Variants in JARID2 observed in about 807,000 individuals in gnomAD.
The protein encoded by JARID2 is jumonji and AT-rich interaction domain containing 2.
JARID2 carries 21 observed loss-of-function variants against 125.6 expected under a neutral mutation model. That is an observed-to-expected ratio of 0.17 (90% CI 0.12 to 0.24). The LOEUF (loss-of-function observed/expected upper bound fraction) is 0.24, where lower values mean the gene tolerates loss of function less well. Ranked by LOEUF, JARID2 falls within the 10% of genes least tolerant of loss-of-function variation. JARID2 has a pLI of 1.00. For missense variants in JARID2, 1,303 were observed against 1,639.6 expected, an observed-to-expected ratio of 0.79 and a Z score of 3.55; for synonymous variants, 736 against 661.6, an observed-to-expected ratio of 1.11 and a Z score of -1.73.
chr6:15,398,702 A>G (rs1280148296), intron 2 of JARID2, among the ~76,000 whole-genome samples: 1 of 152,206 alleles, frequency 6.6e-6, no homozygotes, highest in Non-Finnish European at 1.5e-5. Context: ...TAAAATTTAA[A>G]TACCCGTTTC....
At chr6:15,314,174 C>T (rs1762106563) in intron 1 of JARID2, among the ~76,000 whole-genome samples, 1 of 152,226 alleles carries the variant, frequency 6.6e-6, no homozygotes, top group African/African-American at 2.4e-5. Flanking sequence ...TTGATCCACT[C>T]TGCAGGTTGC....
In JARID2 at chr6:15,410,380, C is replaced by T; in HGVS notation, c.323+15C>T. Reference sequence around the variant, plus strand: ...TCGAGGAAAAGGTTAGTACCCAAGGCTGAAAATATTGGTACCTTCAACCAG... The same window carrying T: ...TCGAGGAAAAGGTTAGTACCCAAGGTTGAAAATATTGGTACCTTCAACCAG... On this transcript the variant is annotated intron_variant, in intron 3 of 17. Coordinates refer to ENST00000341776, the MANE Select transcript of JARID2 (RefSeq NM_004973.4). 2 of 1,612,244 alleles carry T rather than the reference C, an allele frequency of 1.2e-6. No individual in the cohort carries two copies. The highest frequency in any genetic ancestry group is 1.7e-6 in the Non-Finnish European group (2 of 1,178,524).
chr6:15,454,491 TTG>T (rs1489547553), intron 4 of JARID2, among the ~76,000 whole-genome samples: 7 of 152,330 alleles, frequency 4.6e-5, no homozygotes, highest in South Asian at 2.1e-4. Context: ...AGACAGGGTC[TTG>T]TCTCATATCA....
chr6:15,320,777 T>G (rs1762323568), intron 1 of JARID2, among the ~76,000 whole-genome samples: 1 of 152,140 alleles, frequency 6.6e-6, no homozygotes, highest in Admixed American at 6.5e-5. Flanking sequence ...ATATGCAATA[T>G]ATGTAAATTA....
chr6:15,440,324 A>G (rs886168324), intron 3 of JARID2, among the ~76,000 whole-genome samples: 2 of 152,180 alleles, frequency 1.3e-5, no homozygotes, highest in African/African-American at 4.8e-5. Flanking sequence ...TGTTGTACTG[A>G]GGCGAGGTGT....
chr6:15,518,874 T>C (rs541419171), intron 17 of JARID2, among the ~76,000 whole-genome samples: 2 of 152,310 alleles, frequency 1.3e-5, no homozygotes, highest in South Asian at 2.1e-4. Flanking sequence ...AAATCACCCA[T>C]GTCTGGGCCT....
chr6:15,290,089 A>T (rs1047334020), intron 1 of JARID2, among the ~76,000 whole-genome samples: 4 of 152,178 alleles, frequency 2.6e-5, no homozygotes, highest in Non-Finnish European at 5.9e-5. Context: ...TCACCACCCA[A>T]TTGAAATAGA....
intron 2 of JARID2, chr6:15,400,825 CTTGCTTA>C: frequency 7.9e-7 from 1 of 1,268,812 alleles, no homozygotes; most frequent in South Asian, 1.3e-5. Flanking sequence ...TGCACTGCCG[CTTGCTTA>C]TTACGTACAG....
chr6:15,509,196 G>A (rs1319939019), intron 12 of JARID2: 2 of 1,249,674 alleles, frequency 1.6e-6, no homozygotes, highest in South Asian at 1.3e-5. Context: ...ATCCCTGATC[G>A]AGGCTGGACT....
intron 1 of JARID2, among the ~76,000 whole-genome samples, chr6:15,341,747 C>T (rs905763552): frequency 2.6e-5 from 4 of 151,926 alleles, no homozygotes; most frequent in Admixed American, 2.6e-4. Context: ...GAGTAGTGCC[C>T]GCTTAAGGGC....
chr6:15,277,414 GTGCTCTTGGCCTTAAT>G (rs1760567889), intron 1 of JARID2, among the ~76,000 whole-genome samples: 2 of 152,052 alleles, frequency 1.3e-5, no homozygotes, highest in Admixed American at 1.3e-4. Context: ...ATGAGCCACC[GTGCTCTTGGCCTTAAT>G]TGTTCTGATT....
At chr6:15,393,084 A>G (rs1765086120) in intron 2 of JARID2, among the ~76,000 whole-genome samples, 1 of 152,164 alleles carries the variant, frequency 6.6e-6, no homozygotes, top group Non-Finnish European at 1.5e-5. Context: ...ATACGCATGA[A>G]ATGGTGGTGA....
chr6:15,267,969 C>T (rs901146657), intron 1 of JARID2, among the ~76,000 whole-genome samples: 2 of 152,206 alleles, frequency 1.3e-5, no homozygotes, highest in East Asian at 1.9e-4. Context: ...TTAACTGCGG[C>T]GGGGATCGGT....
intron 1 of JARID2, among the ~76,000 whole-genome samples, chr6:15,302,534 T>C (rs1373594192): frequency 1.3e-5 from 2 of 152,236 alleles, no homozygotes; most frequent in Non-Finnish European, 2.9e-5. Flanking sequence ...ATATTGATTG[T>C]GGTCACTGTA....
At chr6:15,276,715 C>G (rs1011649088) in intron 1 of JARID2, among the ~76,000 whole-genome samples, 5 of 152,146 alleles carry the variant, frequency 3.3e-5, no homozygotes, top group Non-Finnish European at 7.3e-5. Context: ...AAATAACAGT[C>G]TCTTGGGGTT....
At chr6:15,509,124 C>G (rs764732468) in intron 12 of JARID2, 71 of 1,288,768 alleles carry the variant, frequency 5.5e-5, no homozygotes, top group Non-Finnish European at 6.2e-5. Context: ...ATCTGACTCT[C>G]ACTGTAGCCA....
intron 3 of JARID2, among the ~76,000 whole-genome samples, chr6:15,443,557 G>C (rs1034846321): frequency 6.6e-6 from 1 of 152,166 alleles, no homozygotes; most frequent in Non-Finnish European, 1.5e-5. Flanking sequence ...TTTACTGGCA[G>C]TTAGAAAGTT....
chr6:15,323,677 G>A (rs942220121), intron 1 of JARID2, among the ~76,000 whole-genome samples: 2 of 152,180 alleles, frequency 1.3e-5, no homozygotes, highest in African/African-American at 4.8e-5. Context: ...TGTAATCCCT[G>A]CACTTTGGGA....
chr6:15,286,416 T>C (rs527407110), intron 1 of JARID2, among the ~76,000 whole-genome samples: 1 of 151,870 alleles, frequency 6.6e-6, no homozygotes, highest in African/African-American at 2.4e-5. Flanking sequence ...CACACCCGGC[T>C]AATTTTTGTA....
Sources: allele counts gnomAD v4.1 joint callset (sites outside exome capture counted in the v4.1 genomes callset), GRCh38; gene constraint gnomAD v4.1.1; transcripts MANE v1.5; gene names NCBI Gene and HGNC (gene_info 2026-07-23, HGNC 2026-07-21).